The following PLD5 variants were observed in gnomAD, a reference collection of about 807,000 sequenced individuals.
PLD5 encodes phospholipase D family member 5, also known as inactive phospholipase D5.
A neutral mutation model predicts 61.1 loss-of-function variants in PLD5; 36 were observed. That is an observed-to-expected ratio of 0.59 (90% CI 0.45 to 0.78). PLD5 has a LOEUF of 0.78. Ranked by LOEUF, PLD5 falls within the 30% of genes least tolerant of loss-of-function variation. PLD5 has a pLI of 0.00. For missense variants in PLD5, 515 were observed against 644.4 expected (o/e 0.80, Z 2.17); for synonymous variants, 243 against 242.8 (o/e 1.00, Z -0.01).
rs990546958 is a variant in PLD5 at position 242,085,969 on chromosome 1, C to T, written c.*3885G>A. 5.9e-5 allele frequency: 9 copies of T among 152,144 alleles called. No homozygotes were observed. Among genetic ancestry groups the T allele is most frequent in the African/African-American group, 2.2e-4 (9 of 41,432 alleles). 9.4% of individuals were successfully genotyped at this position (152,144 alleles called of 1,614,324 possible). A position where few individuals can be genotyped will look rare whatever the true frequency, so the allele number is the denominator to read the frequency against. On this transcript the variant is annotated 3_prime_UTR_variant, in exon 10 of 10. Transcript: ENST00000536534. ...GAAATTCTTATGGTCTTTTCTCCCC[C>T]CTTGGAATTTAGTTCAATAAAAGTT...
At chr1:242,282,365 A>C (rs1242587286) in intron 3 of PLD5, among the ~76,000 whole-genome samples, 1 of 152,188 alleles carries the variant, frequency 6.6e-6, no homozygotes, top group East Asian at 1.9e-4. Context: ...CTCCTGGCTC[A>C]TTTCTGCAGT....
chr1:242,475,698 TCAGAATGCCA>T (rs1456855139), intron 1 of PLD5, among the ~76,000 whole-genome samples: 1 of 151,938 alleles, frequency 6.6e-6, no homozygotes, highest in Non-Finnish European at 1.5e-5. Context: ...CCCCAGTATC[TCAGAATGCCA>T]CTGTGTTTAT....
rs1673089883 is a variant in PLD5, at chr1:242,256,986, CTTCT to C, written c.607+8347_607+8350del. Reference sequence around the variant, plus strand: ...TATATCTATCTACCTACCTACCTACCTTCTTTCTATCATCTATCTATCTATCATC... The same window carrying C: ...TATATCTATCTACCTACCTACCTACCTTCTATCATCTATCTATCTATCATC... On this transcript the variant is annotated intron_variant, in intron 4 of 9. Coordinates refer to ENST00000536534, the MANE Select transcript of PLD5 (RefSeq NM_001372062.1). The surrounding 1 kb of genome is among the most constrained non-coding windows in gnomAD (Gnocchi z 5.7). Among the ~76,000 whole-genome samples the C allele has an allele frequency of 1.3e-5, 2 of 151,468 alleles. No individual in the cohort carries two copies. Among genetic ancestry groups the C allele is most frequent in the South Asian group, 2.1e-4 (1 of 4,776 alleles).
chr1:242,280,833 T>C (rs755607937), intron 3 of PLD5, among the ~76,000 whole-genome samples: 1 of 152,212 alleles, frequency 6.6e-6, no homozygotes, highest in Non-Finnish European at 1.5e-5. Context: ...GGGAGTGACG[T>C]TGTCAAAAAC....
chr1:242,493,512 G>T (rs532697118), intron 1 of PLD5, among the ~76,000 whole-genome samples: 1 of 152,332 alleles, frequency 6.6e-6, no homozygotes, highest in Non-Finnish European at 1.5e-5. Flanking sequence ...ACCTTTGGCA[G>T]GGAGGACTGG....
chr1:242,134,982 T>G (rs1049571998), intron 5 of PLD5, among the ~76,000 whole-genome samples: 1 of 152,236 alleles, frequency 6.6e-6, no homozygotes, highest in African/African-American at 2.4e-5. Context: ...TGTGTCTTAG[T>G]GGATAGAGCA....
intron 5 of PLD5, among the ~76,000 whole-genome samples, chr1:242,192,631 A>G (rs1668354147): frequency 6.6e-6 from 1 of 152,198 alleles, no homozygotes; most frequent in Non-Finnish European, 1.5e-5. Flanking sequence ...AAACTAGACA[A>G]ATGAGAAAGG....
chr1:242,284,795 G>C, intron 3 of PLD5, among the ~76,000 whole-genome samples: 1 of 152,160 alleles, frequency 6.6e-6, no homozygotes, highest in Non-Finnish European at 1.5e-5. Flanking sequence ...GGGACAGACA[G>C]GTATGGCGAG....
chr1:242,295,160 GGGT>G (rs1344868290), intron 2 of PLD5, among the ~76,000 whole-genome samples: 3 of 152,000 alleles, frequency 2.0e-5, no homozygotes, highest in Non-Finnish European at 2.9e-5. Flanking sequence ...ATAGATTCAG[GGGT>G]ACACACGCAG....
chr1:242,407,822 C>T (rs889355987), intron 1 of PLD5, among the ~76,000 whole-genome samples: 4 of 152,048 alleles, frequency 2.6e-5, no homozygotes, highest in Non-Finnish European at 4.4e-5. Flanking sequence ...CATGATCCAC[C>T]CACCTCAGTC....
At chr1:242,369,801 T>C (rs1414370869) in intron 1 of PLD5, among the ~76,000 whole-genome samples, 2 of 152,208 alleles carry the variant, frequency 1.3e-5, no homozygotes. Context: ...AGTTCAATTT[T>C]CCTAAGACAC....
chr1:242,412,417 G>A (rs957670578), intron 1 of PLD5, among the ~76,000 whole-genome samples: 2 of 152,122 alleles, frequency 1.3e-5, no homozygotes, highest in Admixed American at 1.3e-4. Flanking sequence ...AGATTTTCTT[G>A]GTGTAAGAAA....
intron 1 of PLD5, among the ~76,000 whole-genome samples, chr1:242,503,643 C>T (rs1045580931): frequency 6.6e-5 from 10 of 152,164 alleles, no homozygotes; most frequent in African/African-American, 2.4e-4. Context: ...GTTTCCCTTG[C>T]CAGCAACTGG....
chr1:242,153,022 T>A (rs1665059850), intron 5 of PLD5, among the ~76,000 whole-genome samples: 1 of 151,408 alleles, frequency 6.6e-6, no homozygotes, highest in African/African-American at 2.5e-5. Flanking sequence ...GCATCTGTTG[T>A]TTCCTGACTT....
In PLD5 at chr1:242,089,259, T is replaced by C. The variant is rs746790137; in HGVS notation, c.*595A>G. The C allele has an allele frequency of 5.0e-6, 2 of 398,692 alleles. No individual in the cohort carries two copies. The highest frequency in any genetic ancestry group is 8.8e-6 in the Non-Finnish European group (2 of 226,318). The allele number at this position is 398,692 out of a possible 1,614,324, so 24.7% of individuals were successfully genotyped here. On this transcript the variant is annotated 3_prime_UTR_variant, in exon 10 of 10. Transcript: ENST00000536534. ...GAAAATGCTATATAATAGGAACATTTTGTGAGAAGAGAAAATGATACCAAA... is the reference window on the plus strand; with the variant it reads ...GAAAATGCTATATAATAGGAACATTCTGTGAGAAGAGAAAATGATACCAAA...
intron 4 of PLD5, among the ~76,000 whole-genome samples, chr1:242,230,138 G>A (rs994685103): frequency 1.3e-5 from 2 of 152,178 alleles, no homozygotes; most frequent in African/African-American, 2.4e-5. Context: ...TCACAATGTT[G>A]ACAGCTTCAA....
intron 1 of PLD5, among the ~76,000 whole-genome samples, chr1:242,384,103 TTG>T (rs775727489): frequency 9.9e-5 from 15 of 152,232 alleles, no homozygotes; most frequent in Admixed American, 8.5e-4. Context: ...GAATTTGTGT[TTG>T]TGTTTCTTGT....
At chr1:242,514,575 G>A (rs537306900) in intron 1 of PLD5, among the ~76,000 whole-genome samples, 5 of 151,494 alleles carry the variant, frequency 3.3e-5, no homozygotes, top group South Asian at 4.2e-4. Flanking sequence ...ACATGTACCC[G>A]CCCAAGACCT....
intron 2 of PLD5, among the ~76,000 whole-genome samples, chr1:242,296,275 T>C (rs1331457533): frequency 6.6e-6 from 1 of 152,224 alleles, no homozygotes; most frequent in Non-Finnish European, 1.5e-5. Context: ...TTCTGGATAT[T>C]AGTCCTTTGT....
Sources: gnomAD v4.1 joint callset for allele counts (sites outside exome capture counted in the v4.1 genomes callset) on GRCh38, gnomAD v4.1.1 for gene constraint, Gnocchi (gnomAD v3.1) non-coding constraint, MANE v1.5 for transcripts, NCBI Gene and HGNC (gene_info 2026-07-23, HGNC 2026-07-21) for gene names.